Variants in UTRN observed in about 807,000 individuals in gnomAD.
UTRN encodes utrophin.
UTRN carries 283 observed loss-of-function variants against 463.9 expected under a neutral mutation model. That is an observed-to-expected ratio of 0.61 (90% CI 0.55 to 0.67). The LOEUF (loss-of-function observed/expected upper bound fraction) is 0.67. Ranked by LOEUF, UTRN falls within the 30% of genes least tolerant of loss-of-function variation. UTRN has a pLI of 0.00. For missense variants in UTRN, 3,922 were observed against 4,084.3 expected (o/e 0.96, Z 1.08); for synonymous variants, 1,442 against 1,431.5 (o/e 1.01, Z -0.17).
chr6:144,748,209 A>T, intron 54 of UTRN, 37 bp from the exon 55 acceptor site: 1 of 1,568,176 alleles, frequency 6.4e-7, no homozygotes, highest in Non-Finnish European at 8.6e-7. Flanking sequence ...ATATAATCAG[A>T]CATCCAAATT....
At chr6:144,685,840 G>C (rs1470437043) in intron 52 of UTRN, among the ~76,000 whole-genome samples, 1 of 152,036 alleles carries the variant, frequency 6.6e-6, no homozygotes, top group African/African-American at 2.4e-5. Context: ...TCTGTGGGTT[G>C]TTTTTTTGCT....
At chr6:144,756,009 TTC>T (rs1006347148) in intron 57 of UTRN, among the ~76,000 whole-genome samples, 1 of 152,070 alleles carries the variant, frequency 6.6e-6, no homozygotes, top group Non-Finnish European at 1.5e-5. Flanking sequence ...CATACAGTTT[TTC>T]TGTTTCACAA....
chr6:144,482,197 T>C lies in UTRN; in HGVS notation c.3508-12T>C. Reference sequence around the variant, plus strand: ...GACGTTTTTCAAGTTCATCCATCCTTTCTTGGAACAGAGGGCAAAAGAGGA... The same window carrying C: ...GACGTTTTTCAAGTTCATCCATCCTCTCTTGGAACAGAGGGCAAAAGAGGA... On this transcript the variant is annotated splice_polypyrimidine_tract_variant and intron_variant, in intron 26 of 74. Coordinates refer to ENST00000367545, the MANE Select transcript of UTRN (RefSeq NM_007124.3). The C allele has an allele frequency of 6.9e-7, 1 of 1,439,650 alleles. No homozygotes were observed. Among genetic ancestry groups the C allele is most frequent in the Non-Finnish European group, 9.2e-7 (1 of 1,087,298 alleles). The allele number at this position is 1,439,650 out of a possible 1,614,324, so 89.2% of individuals were successfully genotyped here.
At chr6:144,755,507 T>C (rs563575173) in intron 57 of UTRN, among the ~76,000 whole-genome samples, 1 of 152,322 alleles carries the variant, frequency 6.6e-6, no homozygotes, top group Admixed American at 6.5e-5. Context: ...TGTGAATTTC[T>C]GAAGGTTGAT....
chr6:144,539,412 G>A lies in UTRN; in HGVS notation c.6488G>A (p.Ser2163Asn), dbSNP rs1252474880. The A allele has an allele frequency of 1.9e-6, 3 of 1,611,624 alleles. No homozygotes were observed. The highest frequency in any genetic ancestry group is 2.2e-5 in the South Asian group (2 of 90,596). The change falls in exon 45 of 75, where the codon AGC (serine) becomes AAC (asparagine). Residue 2163 changes from serine to asparagine, a missense_variant. Transcript: ENST00000367545. ...SLPERDKISE[S>N]LRTVNMTWNK... The stretch of plus-strand genomic sequence containing the variant: ...CCTGAAAGGGATAAAATTTCAGAAA[G>A]CTTAAGGACTGTAAATATGACATGG...
chr6:144,295,814 G>A (rs957719264), intron 2 of UTRN, among the ~76,000 whole-genome samples: 1 of 152,204 alleles, frequency 6.6e-6, no homozygotes, highest in African/African-American at 2.4e-5. Flanking sequence ...CCATTTTGCA[G>A]ATGATAAATG....
chr6:144,782,144 A>G, intron 61 of UTRN, 21 bp downstream of exon 61: 2 of 1,543,332 alleles, frequency 1.3e-6, no homozygotes, highest in Non-Finnish European at 1.8e-6. Flanking sequence ...ATTTTTTCTC[A>G]TTAAAATACG....
chr6:144,845,371 G>C (rs1781927582), intron 73 of UTRN, among the ~76,000 whole-genome samples: 1 of 152,132 alleles, frequency 6.6e-6, no homozygotes, highest in African/African-American at 2.4e-5. Flanking sequence ...TTTGCTGATA[G>C]ACCAAGAAAT....
At chr6:144,428,684 A>G (rs1785520463) in intron 7 of UTRN, 94 bp from the exon 8 acceptor site, 1 of 632,672 alleles carries the variant, frequency 1.6e-6, no homozygotes. Flanking sequence ...CACAAATAAA[A>G]ATAATCTAAA....
chr6:144,789,023 A>G (rs1206667715), intron 61 of UTRN, among the ~76,000 whole-genome samples, 171 bp from the exon 62 acceptor site: 1 of 152,184 alleles, frequency 6.6e-6, no homozygotes, highest in Non-Finnish European at 1.5e-5. Flanking sequence ...TATGTCATGA[A>G]ATTACAGTAT....
At chr6:144,487,497 CT>C in intron 28 of UTRN, 50 bp from the exon 29 acceptor site, 1 of 1,517,500 alleles carries the variant, frequency 6.6e-7, no homozygotes. Flanking sequence ...TCCTTGATAC[CT>C]TTTGCCTTAG....
chr6:144,429,306 CTTTA>C (rs1177328368), intron 8 of UTRN, among the ~76,000 whole-genome samples: 1 of 152,074 alleles, frequency 6.6e-6, no homozygotes, highest in Admixed American at 6.5e-5. Flanking sequence ...AAGTCTGTAT[CTTTA>C]TCTTAAATGG....
At chr6:144,302,540 G>C (rs1229880977) in intron 2 of UTRN, among the ~76,000 whole-genome samples, 1 of 150,794 alleles carries the variant, frequency 6.6e-6, no homozygotes, top group Non-Finnish European at 1.5e-5. Flanking sequence ...CCTTTTAATG[G>C]TTTTAAAAAT....
chr6:144,458,242 T>C (rs1423397008), intron 19 of UTRN, among the ~76,000 whole-genome samples: 6 of 152,210 alleles, frequency 3.9e-5, no homozygotes, highest in Admixed American at 3.9e-4. Context: ...GGCTGCTGGC[T>C]TAATATTCCT....
At chr6:144,424,127 T>A in intron 6 of UTRN, 49 bp downstream of exon 6, 1 of 1,590,706 alleles carries the variant, frequency 6.3e-7, no homozygotes, top group Non-Finnish European at 8.6e-7. Context: ...AATGTGTTGT[T>A]TGTCTTTTAG....
intron 62 of UTRN, among the ~76,000 whole-genome samples, chr6:144,792,852 G>A (rs191626368): frequency 1.8e-4 from 27 of 152,188 alleles, no homozygotes; most frequent in Non-Finnish European, 2.9e-5. Context: ...GATCTTCAAA[G>A]TATTGTATAT....
At chr6:144,792,728 A>G (rs1776869557) in intron 62 of UTRN, among the ~76,000 whole-genome samples, 1 of 152,202 alleles carries the variant, frequency 6.6e-6, no homozygotes, top group Admixed American at 6.5e-5. Context: ...TTTATTTCCA[A>G]AAAGTATTAA....
At chr6:144,405,656 CCAAA>C (rs1783328521) in intron 3 of UTRN, among the ~76,000 whole-genome samples, 1 of 152,142 alleles carries the variant, frequency 6.6e-6, no homozygotes, top group Non-Finnish European at 1.5e-5. Context: ...GCTGAGAAAT[CCAAA>C]CAGACACTGA....
intron 2 of UTRN, among the ~76,000 whole-genome samples, chr6:144,337,184 C>T (rs910022630): frequency 4.6e-5 from 6 of 129,314 alleles, no homozygotes; most frequent in Non-Finnish European, 9.1e-5. Context: ...CACAGACACA[C>T]ACACACACAC....
Sources: gnomAD v4.1 joint callset for allele counts (sites outside exome capture counted in the v4.1 genomes callset) on GRCh38, gnomAD v4.1.1 for gene constraint, MANE v1.5 for transcripts, NCBI Gene and HGNC (gene_info 2026-07-23, HGNC 2026-07-21) for gene names.